FMNL2: variants seen among roughly 807,000 people sequenced by gnomAD.
FMNL2 encodes formin-like protein 2.
A neutral mutation model predicts 130.2 loss-of-function variants in FMNL2; 51 were observed. The observed-to-expected ratio is 0.39, with a 90% confidence interval of 0.31 to 0.49. The LOEUF (loss-of-function observed/expected upper bound fraction) is 0.49. FMNL2 is among the 20% of genes least tolerant of loss of function. The pLI is 0.85. For synonymous variants in FMNL2, 465 were observed against 467.1 expected, an observed-to-expected ratio of 1.00 and a Z score of 0.06; for missense variants, 977 against 1,316.2, an observed-to-expected ratio of 0.74 and a Z score of 3.99.
rs147879641 is a variant in FMNL2, at chr2:152,619,687, A to G, written c.1806A>G (p.Ser602=). 1.3e-3 allele frequency: 2,140 copies of G among 1,610,860 alleles called. 23 individuals carry two copies. In the African/African-American group the frequency reaches 0.026, roughly 20 times the overall value. ...CACCTCCGCTGCCTGGAACATCTTC[A>G]CCCACAGTGGTTTTCAACTCAGGAT... ...PSAPPLPGTS[S]PTVVFNSGLA... The change falls in exon 15 of 26, where the codon TCA becomes TCG. Residue 602 remains serine (S), a synonymous_variant. Transcript: ENST00000288670.
chr2:152,550,856 G>C (rs1694898073), intron 4 of FMNL2, among the ~76,000 whole-genome samples: 1 of 152,162 alleles, frequency 6.6e-6, no homozygotes, highest in Admixed American at 6.5e-5. Context: ...GCATTTCTTA[G>C]GCTGTGCGTG....
Position 152,608,557 on chromosome 2 carries a change from T to TA in FMNL2, c.951+1144_951+1145insA, listed in dbSNP as rs553157290. Among the ~76,000 whole-genome samples the TA allele has an allele frequency of 6.2e-3, 918 of 148,830 alleles. 6 individuals carry two copies. The highest frequency in any genetic ancestry group is 9.2e-3 in the Non-Finnish European group (623 of 67,382). ...TATACTTTATATATATACATATATA[T>TA]GTATATATATGTGTCTATATACTTT... On this transcript the variant is annotated intron_variant, in intron 10 of 25. Coordinates refer to ENST00000288670, the MANE Select transcript of FMNL2 (RefSeq NM_052905.4).
chr2:152,371,418 C>G (rs7574699), intron 1 of FMNL2, among the ~76,000 whole-genome samples: 11,914 of 152,110 alleles, frequency 0.078, 508 homozygotes, highest in African/African-American at 0.1. Context: ...TGCCTGTAAT[C>G]CCAGTACTTT....
At position 152,616,103 on chromosome 2, in the gene FMNL2, T is replaced by C. The variant is rs148248236; in HGVS notation, c.1213-988T>C. ...CTTCCTCCTTACCTTGCCTCCCTGG[T>C]TTTCTTTACTTGTAATGAATTTAAA... is the stretch of plus-strand genomic sequence containing the variant. On this transcript the variant is annotated intron_variant, in intron 12 of 25. Coordinates refer to ENST00000288670, the MANE Select transcript of FMNL2 (RefSeq NM_052905.4). Among the ~76,000 whole-genome samples the C allele has an allele frequency of 3.3e-3, 499 of 152,276 alleles. 1 individual carries two copies. Among genetic ancestry groups the C allele is most frequent in the African/African-American group, 0.012 (488 of 41,552 alleles).
rs369392464 is a variant in FMNL2 at position 152,558,817 on chromosome 2, C to T, written c.437C>T (p.Ala146Val). 8.7e-6 allele frequency: 14 copies of T among 1,612,254 alleles called. No individual in the cohort carries two copies. Among genetic ancestry groups the T allele is most frequent in the East Asian group, 4.5e-5 (2 of 44,816 alleles). ...LVEYLSFAQY[A>V]VTFDFESVES... is the part of the protein sequence containing the mutation. ...GAATATCTCTCATTTGCACAGTACG[C>T]GGTAACGTAAGTAAAACTTGGCTTG... The change falls in exon 5 of 26, where the codon GCG becomes GTG. Residue 146 changes from alanine to valine, a missense_variant. Ala to Val is a moderately conservative substitution (Grantham distance 64). Coordinates refer to ENST00000288670, the MANE Select transcript of FMNL2 (RefSeq NM_052905.4).
intron 1 of FMNL2, among the ~76,000 whole-genome samples, chr2:152,477,609 T>C (rs1174016257): frequency 6.6e-6 from 1 of 152,186 alleles, no homozygotes; most frequent in Admixed American, 6.5e-5. Context: ...ATTTGTTGTT[T>C]GGGTTTTTGG....
chr2:152,384,507 C>A (rs1684673848), intron 1 of FMNL2, among the ~76,000 whole-genome samples: 1 of 152,100 alleles, frequency 6.6e-6, no homozygotes, highest in African/African-American at 2.4e-5. Flanking sequence ...TGATGGCTGA[C>A]ATTAGTGAGA....
At chr2:152,546,026 A>G (rs539069996) in intron 3 of FMNL2, among the ~76,000 whole-genome samples, 97 of 152,128 alleles carry the variant, frequency 6.4e-4, no homozygotes, top group African/African-American at 2.1e-3. Flanking sequence ...TCGTGTTTTG[A>G]TTTAGTTACC....
intron 25 of FMNL2, among the ~76,000 whole-genome samples, chr2:152,645,074 A>G (rs1049150413): frequency 7.2e-5 from 11 of 152,206 alleles, no homozygotes; most frequent in Admixed American, 3.9e-4. Flanking sequence ...CTCTGATATC[A>G]AAGGACATAG....
chr2:152,516,948 G>A (rs1692806002), intron 1 of FMNL2, among the ~76,000 whole-genome samples: 1 of 151,570 alleles, frequency 6.6e-6, no homozygotes, highest in African/African-American at 2.4e-5. Context: ...TTTTCAAAAG[G>A]TTCTGAGATG....
At chr2:152,585,920 CA>C (rs34744900) in intron 9 of FMNL2, among the ~76,000 whole-genome samples, 45,422 of 129,848 alleles carry the variant, frequency 0.35, 7,193 homozygotes, top group East Asian at 0.56. Context: ...AAAGGTTTGG[CA>C]AAAAAAAAAA....
In FMNL2 at chr2:152,619,592, C is replaced by T; in HGVS notation, c.1711C>T (p.Pro571Ser). The part of the protein sequence containing the change: ...PPPPPPPPPP[P>S]PPLPGPAAET... ...TCCTCCTCCCCCACCGCCCCCTCCGCCTCCTCCTCTCCCAGGCCCTGCAGC... is the reference window on the plus strand; with the variant it reads ...TCCTCCTCCCCCACCGCCCCCTCCGTCTCCTCCTCTCCCAGGCCCTGCAGC... The change falls in exon 15 of 26, where the codon CCT becomes TCT. Residue 571 changes from proline to serine, a missense_variant. Pro to Ser is a moderately conservative substitution (Grantham distance 74). This residue lies in a region of FMNL2 where 689 missense variants were observed against 995.9 expected (regional missense o/e 0.69). Transcript: ENST00000288670. 2 of 1,578,018 alleles carry T rather than the reference C, an allele frequency of 1.3e-6. No individual in the cohort carries two copies. The highest frequency in any genetic ancestry group is 2.3e-5 in the East Asian group (1 of 43,140).
At chr2:152,580,722 T>C (rs1404929192) in intron 8 of FMNL2, among the ~76,000 whole-genome samples, 3 of 152,246 alleles carry the variant, frequency 2.0e-5, no homozygotes, top group Non-Finnish European at 4.4e-5. Flanking sequence ...TTTTCATTAG[T>C]GAGTGATTTG....
intron 25 of FMNL2, chr2:152,643,418 G>A: frequency 6.5e-7 from 1 of 1,536,062 alleles, no homozygotes; most frequent in South Asian, 1.2e-5. Flanking sequence ...TTTCAATGCA[G>A]TGCTGAAGAC....
intron 10 of FMNL2, among the ~76,000 whole-genome samples, chr2:152,609,499 TC>T (rs1279934376): frequency 1.3e-5 from 2 of 152,240 alleles, no homozygotes; most frequent in Non-Finnish European, 2.9e-5. Context: ...CTACCCTTTT[TC>T]TGTATTTTTT....
At chr2:152,506,627 GGT>G (rs1692185120) in intron 1 of FMNL2, among the ~76,000 whole-genome samples, 2 of 152,216 alleles carry the variant, frequency 1.3e-5, no homozygotes, top group South Asian at 4.2e-4. Context: ...AGTAATATCA[GGT>G]GTGATGGGGG....
At chr2:152,390,449 C>A (rs1211271256) in intron 1 of FMNL2, 2 of 1,304,890 alleles carry the variant, frequency 1.5e-6, no homozygotes, top group African/African-American at 1.4e-5. Context: ...AGATGATTAA[C>A]CCTGAGAATT....
At chr2:152,396,210 G>T (rs1558826359) in intron 1 of FMNL2, among the ~76,000 whole-genome samples, 1 of 152,178 alleles carries the variant, frequency 6.6e-6, no homozygotes, top group African/African-American at 2.4e-5. Flanking sequence ...TTCCACACTG[G>T]GGGAGCTAGA....
At chr2:152,637,374 A>G (rs1001766825) in intron 22 of FMNL2, among the ~76,000 whole-genome samples, 199 bp from the exon 23 acceptor site, 5 of 152,170 alleles carry the variant, frequency 3.3e-5, no homozygotes, top group African/African-American at 1.2e-4. Context: ...CCACTATTGC[A>G]TTCCTCGGAT....
Sources: allele counts gnomAD v4.1 joint callset (sites outside exome capture counted in the v4.1 genomes callset), GRCh38; gene constraint gnomAD v4.1.1; regional missense constraint gnomAD v4.1.1; transcripts MANE v1.5; gene names NCBI Gene and HGNC (gene_info 2026-07-23, HGNC 2026-07-21).